The following SLC27A1 variants were observed in gnomAD, a reference collection of about 807,000 sequenced individuals.
SLC27A1 encodes the protein solute carrier family 27 member 1.
Under a neutral mutation model 62.2 loss-of-function variants are expected in SLC27A1, and 61 were observed. That is an observed-to-expected ratio of 0.98 (90% CI 0.80 to 1.21). The LOEUF (loss-of-function observed/expected upper bound fraction) is 1.21. Among genes scored for constraint, SLC27A1 ranks in the 50% most tolerant of loss-of-function variants. The pLI, the probability that SLC27A1 is intolerant of heterozygous loss-of-function variation, is 0.00. For missense variants in SLC27A1, 903 were observed against 932.1 expected (o/e 0.97, Z 0.41); for synonymous variants, 435 against 408.6 (o/e 1.06, Z -0.78).
At chr19:17,477,833 G>A (rs2075139621) in intron 1 of SLC27A1, among the ~76,000 whole-genome samples, 1 of 152,088 alleles carries the variant, frequency 6.6e-6, no homozygotes, top group Admixed American at 6.6e-5. Context: ...GGGATTACAG[G>A]TGTGAGCCAC....
intron 4 of SLC27A1, among the ~76,000 whole-genome samples, chr19:17,488,535 C>T (rs929087635): frequency 6.6e-6 from 1 of 152,138 alleles, no homozygotes; most frequent in Non-Finnish European, 1.5e-5. Flanking sequence ...TGCCTGGGCA[C>T]TCTTCCATAG....
rs776713259 is a variant in SLC27A1 at position 17,500,325 on chromosome 19, C to A, written c.1254C>A (p.Pro418=). 5.6e-6 allele frequency: 9 copies of A among 1,614,118 alleles called. No homozygotes were observed. The Admixed American group carries it at 8.3e-5, about 15-fold the overall frequency. The change falls in exon 8 of 12, where the codon CCC becomes CCA. Residue 418 remains proline, a synonymous_variant. Coordinates refer to ENST00000252595, the MANE Select transcript of SLC27A1 (RefSeq NM_198580.3). ...GCCGCATCCTGCCCCACGTGTACCC[C>A]ATCCGGCTGGTGAAGGTCAATGAGG... ...FNSRILPHVY[P]IRLVKVNEDT... is the part of the protein sequence containing the mutation.
intron 7 of SLC27A1, chr19:17,499,989 T>G: frequency 2.2e-6 from 1 of 461,416 alleles, no homozygotes; most frequent in Non-Finnish European, 3.9e-6. Flanking sequence ...AGCTGTAGTG[T>G]CCACACAGAG....
rs1322754386 is a variant in SLC27A1 at position 17,487,225 on chromosome 19, C to T, written c.614C>T (p.Ser205Phe). ...HLGKSLIKFC[S>F]GDLGPEGILP... ...GGGAAAAGTTTGATCAAGTTCTGCT[C>T]TGGAGACTTGGGGCCCGAGGGCATC... Residue 205 changes from serine (S) to phenylalanine (F), a missense_variant, in exon 3 of 12, where the codon TCT becomes TTT. Physicochemically the swap from Ser to Phe is radical, Grantham distance 155 (BLOSUM62 -2). Transcript: ENST00000252595. The T allele has an allele frequency of 1.2e-6, 2 of 1,614,106 alleles. No individual in the cohort carries two copies. Among genetic ancestry groups the T allele is most frequent in the East Asian group, 2.2e-5 (1 of 44,882 alleles).
chr19:17,480,831 C>T (rs1261234547), intron 1 of SLC27A1, among the ~76,000 whole-genome samples: 1 of 151,896 alleles, frequency 6.6e-6, no homozygotes, highest in Non-Finnish European at 1.5e-5. Flanking sequence ...TTCAGCTGCC[C>T]CTTATGGAGT....
rs1035582034 is a variant in SLC27A1, at chr19:17,500,589, C to T, written c.1428C>T (p.Ile476=). ...GCGAGAGCGCCACCAGCAAGAAGAT[C>T]GCCCACAGCGTCTTCAGCAAGGGCG... ...YVSESATSKK[I]AHSVFSKGDS... Residue 476 remains isoleucine (I), a synonymous_variant, in exon 9 of 12, where the codon ATC becomes ATT. Coordinates refer to ENST00000252595, the MANE Select transcript of SLC27A1 (RefSeq NM_198580.3). The T allele has an allele frequency of 1.4e-5, 23 of 1,613,566 alleles. No individual in the cohort carries two copies. The East Asian group carries it at 1.6e-4, about 11-fold the overall frequency.
chr19:17,500,424 G>A lies in SLC27A1; in HGVS notation c.1333+20G>A, dbSNP rs1454475289. ...AGGCCGGTGAGCAGGGCCCCCGCAT[G>A]GTCCCCACCCGGAGCAGGGGTCCCC... On this transcript the variant is annotated intron_variant, in intron 8 of 11. Coordinates refer to ENST00000252595, the MANE Select transcript of SLC27A1 (RefSeq NM_198580.3). 1.9e-6 allele frequency: 3 copies of A among 1,613,284 alleles called. No individual in the cohort carries two copies. The highest frequency in any genetic ancestry group is 2.5e-6 in the Non-Finnish European group (3 of 1,179,586).
intron 1 of SLC27A1, among the ~76,000 whole-genome samples, chr19:17,481,002 C>A (rs759166995): frequency 6.6e-6 from 1 of 151,324 alleles, no homozygotes; most frequent in Non-Finnish European, 1.5e-5. Context: ...CTCGGCTCAC[C>A]GCAACCTCTG....
rs1418836488 is a variant in SLC27A1 at position 17,470,693 on chromosome 19, G to A, written c.153G>A (p.Ala51=). Residue 51 remains alanine (A), a synonymous_variant, in exon 1 of 12, where the codon GCG becomes GCA. Coordinates refer to ENST00000252595, the MANE Select transcript of SLC27A1 (RefSeq NM_198580.3). ...WRFLRIVCKT[A]RRDLFGLSVL... ...TCCTGCGCATCGTCTGCAAGACCGCGAGGCGAGACCTCTTGTGAGTGTTGC... is the reference window on the plus strand; with the variant it reads ...TCCTGCGCATCGTCTGCAAGACCGCAAGGCGAGACCTCTTGTGAGTGTTGC... The A allele has an allele frequency of 2.5e-6, 4 of 1,583,290 alleles. No homozygotes were observed. Among genetic ancestry groups the A allele is most frequent in the African/African-American group, 1.4e-5 (1 of 74,036 alleles).
intron 1 of SLC27A1, among the ~76,000 whole-genome samples, chr19:17,473,354 A>G (rs889456324): frequency 6.6e-6 from 1 of 152,234 alleles, no homozygotes; most frequent in African/African-American, 2.4e-5. Flanking sequence ...GGTCTGAGAT[A>G]CCAAATTTCC....
upstream of SLC27A1, chr19:17,470,397 A>C: frequency 1.0e-6 from 1 of 996,340 alleles, no homozygotes. Flanking sequence ...TCTGACTCGG[A>C]GCGCGTTCCC....
chr19:17,470,347 T>C, upstream of SLC27A1: 1 of 613,166 alleles, frequency 1.6e-6, no homozygotes, highest in Non-Finnish European at 2.6e-6. Context: ...GGGCGATGCC[T>C]GGCCTGAGGA....
Position 17,497,340 on chromosome 19 carries a change from C to T in SLC27A1, c.1082C>T (p.Ala361Val), listed in dbSNP as rs750726250. The change falls in exon 7 of 12, where the codon GCG becomes GTG. Residue 361 changes from alanine to valine, a missense_variant. By Grantham distance (64) the Ala-to-Val change is moderately conservative (BLOSUM62 0). Coordinates refer to ENST00000252595, the MANE Select transcript of SLC27A1 (RefSeq NM_198580.3). ...GAGAGGCGACACCGCGTGCGCCTGG[C>T]GGTGGGGAACGGGCTGCGTCCTGCC... is the stretch of plus-strand genomic sequence containing the variant. Reference protein sequence around the residue: ...EAERRHRVRLAVGNGLRPAIW... With the variant: ...EAERRHRVRLVVGNGLRPAIW... The T allele has an allele frequency of 1.2e-6, 2 of 1,601,840 alleles. No homozygotes were observed. Among genetic ancestry groups the T allele is most frequent in the South Asian group, 1.1e-5 (1 of 89,710 alleles).
At chr19:17,502,429 G>A (rs1268605405) in intron 11 of SLC27A1, among the ~76,000 whole-genome samples, 1 of 123,394 alleles carries the variant, frequency 8.1e-6, no homozygotes, top group Admixed American at 1.1e-4. Flanking sequence ...TTGGCTCACT[G>A]CAACCTCTAC....
At position 17,494,586 on chromosome 19, in the gene SLC27A1, G is replaced by A. The variant is rs182987200; in HGVS notation, c.997-2669G>A. 3.8e-3 allele frequency among the ~76,000 whole-genome samples: 554 copies of A among 146,900 alleles called. 5 individuals carry two copies. The highest frequency in any genetic ancestry group is 0.019 in the Middle Eastern group (5 of 266). ...AGGTGATCCACCCACCTTGGCCTCC[G>A]AAAGTGCTGAGATTACAGGCGTGAG... On this transcript the variant is annotated intron_variant, in intron 6 of 11. Transcript: ENST00000252595.
rs540133443 is a variant in SLC27A1, at chr19:17,501,734, C to T, written c.1783+315C>T. Among the ~76,000 whole-genome samples the T allele has an allele frequency of 6.6e-5, 9 of 135,776 alleles. No individual in the cohort carries two copies. The South Asian group carries it at 9.4e-4, about 14-fold the overall frequency. The allele number at this position is 135,776 out of a possible 152,430, so 89.1% of individuals were successfully genotyped here. ...AGGAGAATGGCATGAACCTGGGAGG[C>T]GGAGTTTGCAGTGAGCCCAGATCAC... On this transcript the variant is annotated intron_variant, in intron 11 of 11. Coordinates refer to ENST00000252595, the MANE Select transcript of SLC27A1 (RefSeq NM_198580.3).
Position 17,486,878 on chromosome 19 carries a change from C to T in SLC27A1, c.483C>T (p.Asn161=), listed in dbSNP as rs1165034307. ...AGMEAALLNV[N]LRREPLAFCL... ...TGGAGGCCGCGCTGCTCAACGTGAACCTGCGGCGCGAGCCCCTGGCCTTCT... is the reference window on the plus strand; with the variant it reads ...TGGAGGCCGCGCTGCTCAACGTGAATCTGCGGCGCGAGCCCCTGGCCTTCT... Residue 161 remains asparagine, a synonymous_variant, in exon 2 of 12, where the codon AAC becomes AAT. Transcript: ENST00000252595. This position sits in a 1 kb window ranked among gnomAD's most constrained non-coding sequence, Gnocchi z 6.6. 1 of 1,586,258 alleles carries T rather than the reference C, an allele frequency of 6.3e-7. No individual in the cohort carries two copies. The highest frequency in any genetic ancestry group is 8.5e-7 in the Non-Finnish European group (1 of 1,173,618).
chr19:17,500,482 G>A lies in SLC27A1; in HGVS notation c.1334-13G>A, dbSNP rs2075398234. ...GCCTGCCTAGCGCAGCCTGAACATG[G>A]CCTTCTCCCTAGGGGAGCCTGGCCT... On this transcript the variant is annotated splice_polypyrimidine_tract_variant and intron_variant, in intron 8 of 11. Transcript: ENST00000252595. The A allele has an allele frequency of 1.2e-6, 2 of 1,613,106 alleles. No homozygotes were observed. The highest frequency in any genetic ancestry group is 1.1e-5 in the South Asian group (1 of 91,032).
intron 1 of SLC27A1, among the ~76,000 whole-genome samples, chr19:17,485,660 T>C (rs1253897904): frequency 6.6e-6 from 1 of 151,460 alleles, no homozygotes; most frequent in Admixed American, 6.6e-5. Context: ...TGAAACCCCG[T>C]CTCTACTAAA....
Sources: allele counts gnomAD v4.1 joint callset (sites outside exome capture counted in the v4.1 genomes callset), GRCh38; gene constraint gnomAD v4.1.1; non-coding constraint Gnocchi (gnomAD v3.1); transcripts MANE v1.5; gene names NCBI Gene and HGNC (gene_info 2026-07-23, HGNC 2026-07-21).